SCAF8: variants seen among roughly 807,000 people sequenced by gnomAD.
SCAF8 encodes SR-related and CTD-associated factor 8.
Under a neutral mutation model 140.5 loss-of-function variants are expected in SCAF8, and 23 were observed. The ratio of observed to expected loss-of-function variants is 0.16; its 90% CI spans 0.12 to 0.23. The LOEUF is 0.23. Ranked by LOEUF, SCAF8 falls within the 10% of genes least tolerant of loss-of-function variation. The pLI is 1.00. For missense variants in SCAF8, 1,397 were observed against 1,555.7 expected, an observed-to-expected ratio of 0.90 and a Z score of 1.72; for synonymous variants, 575 against 528.9, an observed-to-expected ratio of 1.09 and a Z score of -1.20.
At chr6:154,747,814 G>A (rs1384590621) in intron 1 of SCAF8, among the ~76,000 whole-genome samples, 1 of 151,488 alleles carries the variant, frequency 6.6e-6, no homozygotes, top group East Asian at 1.9e-4. Flanking sequence ...TACTATTTTA[G>A]GCACTAGGAT....
Position 154,733,735 on chromosome 6 carries a change from C to G in SCAF8, c.-166C>G. ...CGCTCTGCCGCTGAGGGAGCCCTTC[C>G]CCGCCAGCGCGTGCCCTTCCACTCC... On this transcript the variant is annotated 5_prime_UTR_variant, in exon 1 of 20. Transcript: ENST00000367178. 2 of 1,328,868 alleles carry G rather than the reference C, an allele frequency of 1.5e-6. No individual in the cohort carries two copies. Among genetic ancestry groups the G allele is most frequent in the South Asian group, 2.0e-5 (1 of 50,198 alleles). 82.3% of individuals were successfully genotyped at this position (1,328,868 alleles called of 1,614,324 possible). A position where few individuals can be genotyped will look rare whatever the true frequency, so the allele number is the denominator to read the frequency against.
In SCAF8 at chr6:154,810,138, G is replaced by A. The variant is rs374550776; in HGVS notation, c.1350G>A (p.Arg450=). Residue 450 remains arginine, a synonymous_variant, in exon 12 of 20, where the codon AGG becomes AGA. Transcript: ENST00000367178. Reference sequence around the variant, plus strand: ...CATCACGGTCGTATTCAAGTGAAAGGAGAGCCAGAGAAAGGGAGAAAGAAC... The same window carrying A: ...CATCACGGTCGTATTCAAGTGAAAGAAGAGCCAGAGAAAGGGAGAAAGAAC... The part of the protein sequence containing the change: ...RKSSRSYSSE[R]RAREREKERQ... 2.5e-5 allele frequency: 40 copies of A among 1,613,818 alleles called. No homozygotes were observed. In the African/African-American group the frequency reaches 4.3e-4, roughly 17 times the overall value.
chr6:154,831,923 C>G lies in SCAF8; in HGVS notation c.2360-16C>G. The G allele has an allele frequency of 6.4e-7, 1 of 1,563,562 alleles. No homozygotes were observed. The highest frequency in any genetic ancestry group is 8.6e-7 in the Non-Finnish European group (1 of 1,160,322). On this transcript the variant is annotated splice_polypyrimidine_tract_variant and intron_variant, in intron 19 of 19. Coordinates refer to ENST00000367178, the MANE Select transcript of SCAF8 (RefSeq NM_014892.5). ...GACTGTTATTTTGAGTTTTTTCTCT[C>G]TCTCTTTTTTTTTAGTGATTCCAAA...
In SCAF8 at chr6:154,833,148, C is replaced by A. The variant is rs1778801693; in HGVS notation, c.3569C>A (p.Pro1190His). 1.2e-6 allele frequency: 2 copies of A among 1,613,936 alleles called. No homozygotes were observed. Among genetic ancestry groups the A allele is most frequent in the African/African-American group, 1.3e-5 (1 of 74,906 alleles). ...AGAATTCAAAACACTTGGGTTCCCCCTCCTCATGCTCGGGTTTTTGATTAT... is the reference window on the plus strand; with the variant it reads ...AGAATTCAAAACACTTGGGTTCCCCATCCTCATGCTCGGGTTTTTGATTAT... ...RDRIQNTWVP[P>H]PHARVFDYFE... is the part of the protein sequence containing the mutation. Residue 1190 changes from proline (P) to histidine (H), a missense_variant, in exon 20 of 20, where the codon CCT becomes CAT. Pro to His is a moderately conservative substitution (Grantham distance 77). This residue lies in a region of SCAF8 where 930 missense variants were observed against 874.6 expected (regional missense o/e 1.06). Coordinates refer to ENST00000367178, the MANE Select transcript of SCAF8 (RefSeq NM_014892.5).
At chr6:154,786,889 G>T (rs550350294) in intron 3 of SCAF8, among the ~76,000 whole-genome samples, 22 of 152,292 alleles carry the variant, frequency 1.4e-4, no homozygotes, top group East Asian at 1.3e-3. Context: ...TCATACTAAA[G>T]AACTTTTTTT....
chr6:154,747,285 G>A (rs912061850), intron 1 of SCAF8, among the ~76,000 whole-genome samples: 18 of 152,190 alleles, frequency 1.2e-4, no homozygotes, highest in South Asian at 8.3e-4. Context: ...AGGCTGAGGC[G>A]GGCTGATTGC....
At chr6:154,816,281 CT>C (rs1778245943) in intron 13 of SCAF8, among the ~76,000 whole-genome samples, 1 of 152,150 alleles carries the variant, frequency 6.6e-6, no homozygotes, top group South Asian at 2.1e-4. Context: ...TGCTCTTTTA[CT>C]CTCTTTTTTA....
intron 2 of SCAF8, among the ~76,000 whole-genome samples, chr6:154,776,900 G>C (rs2114850607): frequency 6.6e-6 from 1 of 152,324 alleles, no homozygotes; most frequent in Non-Finnish European, 1.5e-5. Context: ...TATAAAGAAG[G>C]CTGGGCGCAG....
chr6:154,832,972 T>A lies in SCAF8; in HGVS notation c.3393T>A (p.Asp1131Glu), dbSNP rs747144256. Reference protein sequence around the residue: ...GRFRSGNYRFDPRSGPWNRGF... With the variant: ...GRFRSGNYRFEPRSGPWNRGF... Reference sequence around the variant, plus strand: ...TTCGGTCTGGAAACTATCGATTTGATCCTAGAAGTGGTCCTTGGAACCGAG... The same window carrying A: ...TTCGGTCTGGAAACTATCGATTTGAACCTAGAAGTGGTCCTTGGAACCGAG... The change falls in exon 20 of 20, where the codon GAT becomes GAA. Residue 1131 changes from aspartate (D) to glutamate (E), a missense_variant. By Grantham distance (45) the Asp-to-Glu change is conservative. This residue lies in a region of SCAF8 where 930 missense variants were observed against 874.6 expected (regional missense o/e 1.06). Coordinates refer to ENST00000367178, the MANE Select transcript of SCAF8 (RefSeq NM_014892.5). The A allele has an allele frequency of 6.2e-7, 1 of 1,614,076 alleles. No homozygotes were observed. Among genetic ancestry groups the A allele is most frequent in the Non-Finnish European group, 8.5e-7 (1 of 1,180,002 alleles).
At chr6:154,794,780 G>GGTGTGTGTGTGTGT (rs1183671310) in intron 5 of SCAF8, among the ~76,000 whole-genome samples, 1 of 12,530 alleles carries the variant, frequency 8.0e-5, no homozygotes, top group Non-Finnish European at 1.3e-4. Context: ...GGGTGTGGGG[G>GGTGTGTGTGTGTGT]GTGTGTGTGT....
intron 6 of SCAF8, among the ~76,000 whole-genome samples, chr6:154,799,418 TC>T (rs1339565968): frequency 6.6e-6 from 1 of 151,312 alleles, no homozygotes; most frequent in Non-Finnish European, 1.5e-5. Context: ...TGCACTAAAA[TC>T]CCAAGTTTCA....
chr6:154,733,695 C>G lies in SCAF8; in HGVS notation c.-206C>G, dbSNP rs1582983905. 1 of 1,309,290 alleles carries G rather than the reference C, an allele frequency of 7.6e-7. No homozygotes were observed. 81.1% of individuals were successfully genotyped at this position (1,309,290 alleles called of 1,614,324 possible). On this transcript the variant is annotated 5_prime_UTR_variant, in exon 1 of 20. Coordinates refer to ENST00000367178, the MANE Select transcript of SCAF8 (RefSeq NM_014892.5). Reference sequence around the variant, plus strand: ...TAGAACGGCGCTCCCCCCGCCCTAGCGGCCATGCCGGTGCCGCTCTGCCGC... The same window carrying G: ...TAGAACGGCGCTCCCCCCGCCCTAGGGGCCATGCCGGTGCCGCTCTGCCGC...
Position 154,820,309 on chromosome 6 carries a change from A to G in SCAF8, c.1768A>G (p.Ile590Val), listed in dbSNP as rs1391431035. 1 of 1,611,242 alleles carries G rather than the reference A, an allele frequency of 6.2e-7. No homozygotes were observed. The highest frequency in any genetic ancestry group is 8.5e-7 in the Non-Finnish European group (1 of 1,179,124). ...DLEGFAEGGM[I>V]DQETVNTEWE... ...GGAAGGTTTTGCAGAAGGAGGCATGATTGATCAGGAGACTGTAAATACTGG... is the reference window on the plus strand; with the variant it reads ...GGAAGGTTTTGCAGAAGGAGGCATGGTTGATCAGGAGACTGTAAATACTGG... The change falls in exon 15 of 20, where the codon ATT (isoleucine) becomes GTT (valine). Residue 590 changes from isoleucine (I) to valine (V), a missense_variant. Ile to Val is a conservative substitution (Grantham distance 29). This residue lies in a region of SCAF8 where 930 missense variants were observed against 874.6 expected (regional missense o/e 1.06). Transcript: ENST00000367178.
chr6:154,780,972 A>G (rs1777066891), intron 3 of SCAF8, among the ~76,000 whole-genome samples: 1 of 152,032 alleles, frequency 6.6e-6, no homozygotes, highest in Non-Finnish European at 1.5e-5. Flanking sequence ...TGGTTTAACT[A>G]ATTTACATTC....
chr6:154,792,000 T>A (rs1023537634), intron 4 of SCAF8, among the ~76,000 whole-genome samples: 3 of 152,006 alleles, frequency 2.0e-5, no homozygotes, highest in South Asian at 2.1e-4. Flanking sequence ...GCAGGTTTTT[T>A]ATTTTTTATT....
intron 1 of SCAF8, among the ~76,000 whole-genome samples, chr6:154,771,152 T>C (rs1471305785): frequency 6.6e-6 from 1 of 152,186 alleles, no homozygotes; most frequent in East Asian, 1.9e-4. Flanking sequence ...AATCAAGTAT[T>C]AGTTAAATAA....
At chr6:154,761,384 G>A (rs926497967) in intron 1 of SCAF8, among the ~76,000 whole-genome samples, 17 of 152,180 alleles carry the variant, frequency 1.1e-4, no homozygotes, top group South Asian at 6.2e-4. Flanking sequence ...GGCTCGGGAG[G>A]CTGAGGCAGG....
chr6:154,787,611 C>CT (rs1777290860), intron 3 of SCAF8, among the ~76,000 whole-genome samples: 2 of 152,076 alleles, frequency 1.3e-5, no homozygotes, highest in Admixed American at 1.3e-4. Flanking sequence ...TTATTTATCA[C>CT]TTTGTTTTAT....
At chr6:154,794,977 T>C in intron 5 of SCAF8, 32 bp from the exon 6 acceptor site, 1 of 1,558,194 alleles carries the variant, frequency 6.4e-7, no homozygotes, top group Non-Finnish European at 8.6e-7. Context: ...ACTTACATAT[T>C]TATTTGGGGG....
Sources: allele counts gnomAD v4.1 joint callset (sites outside exome capture counted in the v4.1 genomes callset), GRCh38; gene constraint gnomAD v4.1.1; regional missense constraint gnomAD v4.1.1; transcripts MANE v1.5; gene names NCBI Gene and HGNC (gene_info 2026-07-23, HGNC 2026-07-21).